SCLT1: variants seen among roughly 807,000 people sequenced by gnomAD.
The protein encoded by SCLT1 is sodium channel-associated protein 1.
A neutral mutation model predicts 112.8 loss-of-function variants in SCLT1; 78 were observed. The observed-to-expected ratio is 0.69, with a 90% CI of 0.58 to 0.83. The LOEUF is 0.83. Among genes scored for constraint, SCLT1 ranks in the 40% least tolerant of loss-of-function variants. The pLI is 0.00. For synonymous variants in SCLT1, 257 were observed against 254.7 expected (o/e 1.01, Z -0.09); for missense variants, 747 against 770.4 (o/e 0.97, Z 0.36).
At chr4:129,076,613 T>A (rs1387849085) in intron 2 of SCLT1, among the ~76,000 whole-genome samples, 2 of 151,894 alleles carry the variant, frequency 1.3e-5, no homozygotes, top group African/African-American at 4.8e-5. Flanking sequence ...CCTCAGTAGA[T>A]ACATATACCG....
At chr4:128,908,635 A>G (rs926441450) in intron 18 of SCLT1, among the ~76,000 whole-genome samples, 7 of 152,220 alleles carry the variant, frequency 4.6e-5, no homozygotes, top group Admixed American at 6.5e-5. Flanking sequence ...AATCTGGTTA[A>G]TAAAACCATA....
At chr4:128,948,961 G>A (rs1738448940) in intron 14 of SCLT1, among the ~76,000 whole-genome samples, 1 of 152,154 alleles carries the variant, frequency 6.6e-6, no homozygotes, top group Admixed American at 6.5e-5. Context: ...ATATGTGGGT[G>A]TATAAATTCT....
intron 2 of SCLT1, among the ~76,000 whole-genome samples, chr4:129,050,514 T>C (rs1330325012): frequency 6.6e-6 from 1 of 152,240 alleles, no homozygotes; most frequent in African/African-American, 2.4e-5. Context: ...TTCATGTTTG[T>C]TGGCAGCATA....
intron 4 of SCLT1, chr4:129,039,902 A>G (rs201001652): frequency 0.15 from 426 of 2,880 alleles, 5 homozygotes; most frequent in African/African-American, 0.28. Context: ...GCGCGCGCGC[A>G]CACACACACA....
At chr4:129,026,590 A>T (rs1746110843) in intron 5 of SCLT1, among the ~76,000 whole-genome samples, 1 of 152,162 alleles carries the variant, frequency 6.6e-6, no homozygotes, top group Non-Finnish European at 1.5e-5. Context: ...TGCCCACAAG[A>T]GAAAGCAGGA....
intron 5 of SCLT1, among the ~76,000 whole-genome samples, chr4:129,004,964 T>C (rs1368248720): frequency 6.6e-6 from 1 of 151,704 alleles, no homozygotes; most frequent in South Asian, 2.1e-4. Context: ...TTTTCCTATA[T>C]GAAATGTTTA....
intron 5 of SCLT1, among the ~76,000 whole-genome samples, chr4:129,008,560 T>C (rs1228834181): frequency 2.6e-5 from 4 of 152,352 alleles, no homozygotes; most frequent in South Asian, 4.1e-4. Flanking sequence ...TCAAATATTA[T>C]TTCTGTCTTT....
chr4:129,010,773 G>A (rs547497674), intron 5 of SCLT1, among the ~76,000 whole-genome samples: 2 of 152,192 alleles, frequency 1.3e-5, no homozygotes, highest in Admixed American at 1.3e-4. Flanking sequence ...CATTGATTTT[G>A]TATCCTGAGA....
At position 128,942,913 on chromosome 4, in the gene SCLT1, A is replaced by G. The variant is rs534752808; in HGVS notation, c.1632+83T>C. On this transcript the variant is annotated intron_variant, in intron 17 of 20. Transcript: ENST00000281142. The stretch of plus-strand genomic sequence containing the variant: ...AGAAGGCAAAAAAAAAGGGGGCCTT[A>G]AAGATGTTTTGCTAGGTCTCTCTAA... 2.6e-5 allele frequency: 26 copies of G among 994,624 alleles called. No individual in the cohort carries two copies. In the African/African-American group the frequency reaches 3.9e-4, roughly 15 times the overall value. The allele number at this position is 994,624 out of a possible 1,614,324, so 61.6% of individuals were successfully genotyped here.
intron 18 of SCLT1, among the ~76,000 whole-genome samples, chr4:128,917,548 A>G (rs1735569643): frequency 6.6e-6 from 1 of 152,150 alleles, no homozygotes; most frequent in Admixed American, 6.5e-5. Context: ...GACAATAATT[A>G]TTGGAAGCCA....
intron 5 of SCLT1, among the ~76,000 whole-genome samples, chr4:129,014,706 C>A (rs1360099445): frequency 6.6e-6 from 1 of 152,204 alleles, no homozygotes; most frequent in Non-Finnish European, 1.5e-5. Context: ...TGCTTCTGGA[C>A]CACTGGTCAC....
Position 129,011,999 on chromosome 4 carries a change from T to C in SCLT1, c.291-8123A>G, listed in dbSNP as rs193079105. ...AAAAACCAGCTTCTGTGTTCTTTGATCTTCTGGATGTTTTTTTGTGTCTGA... is the reference window on the plus strand; with the variant it reads ...AAAAACCAGCTTCTGTGTTCTTTGACCTTCTGGATGTTTTTTTGTGTCTGA... On this transcript the variant is annotated intron_variant, in intron 5 of 20. Transcript: ENST00000281142. 5.0e-3 allele frequency among the ~76,000 whole-genome samples: 762 copies of C among 152,064 alleles called. 6 individuals carry two copies. The highest frequency in any genetic ancestry group is 0.017 in the African/African-American group (716 of 41,346).
chr4:129,004,099 T>G lies in SCLT1; in HGVS notation c.291-223A>C, dbSNP rs1208597850. Reference sequence around the variant, plus strand: ...TTCAATGCATTAAATCGATCACAATTAACTGAAGCATGATTCAGTTTGTCC... The same window carrying G: ...TTCAATGCATTAAATCGATCACAATGAACTGAAGCATGATTCAGTTTGTCC... On this transcript the variant is annotated intron_variant, in intron 5 of 20. Coordinates refer to ENST00000281142, the MANE Select transcript of SCLT1 (RefSeq NM_144643.4). Among the ~76,000 whole-genome samples the G allele has an allele frequency of 2.0e-5, 3 of 152,150 alleles. No homozygotes were observed. In the East Asian group the frequency reaches 5.8e-4, roughly 29 times the overall value.
intron 18 of SCLT1, among the ~76,000 whole-genome samples, chr4:128,899,987 C>G (rs1202462421): frequency 1.3e-5 from 2 of 152,058 alleles, no homozygotes; most frequent in African/African-American, 2.4e-5. Flanking sequence ...AGGACCTCTT[C>G]AAGGAGAACT....
intron 13 of SCLT1, 34 bp downstream of exon 13, chr4:128,956,992 A>G (rs1298025618): frequency 8.2e-7 from 1 of 1,220,440 alleles, no homozygotes; most frequent in Non-Finnish European, 1.2e-6. Flanking sequence ...TGTGACTTAA[A>G]TTCTGAATTT....
At chr4:129,000,183 T>G (rs1488230943) in intron 6 of SCLT1, among the ~76,000 whole-genome samples, 1 of 151,940 alleles carries the variant, frequency 6.6e-6, no homozygotes, top group Non-Finnish European at 1.5e-5. Flanking sequence ...AAATTTTCAT[T>G]GTGGAAAATT....
intron 9 of SCLT1, among the ~76,000 whole-genome samples, chr4:128,983,543 A>G (rs1741850008): frequency 6.6e-6 from 1 of 152,222 alleles, no homozygotes; most frequent in Non-Finnish European, 1.5e-5. Flanking sequence ...TCTGAGAAAC[A>G]GAATGATCTA....
chr4:128,950,376 G>A (rs13139306), intron 14 of SCLT1, among the ~76,000 whole-genome samples: 7,816 of 152,022 alleles, frequency 0.051, 229 homozygotes, highest in African/African-American at 0.064. Context: ...GGTTAACCTG[G>A]GGGTAAAAAA....
intron 2 of SCLT1, among the ~76,000 whole-genome samples, chr4:129,055,615 C>T (rs1291891146): frequency 6.6e-6 from 1 of 151,982 alleles, no homozygotes; most frequent in Non-Finnish European, 1.5e-5. Flanking sequence ...TGGTGGATGC[C>T]CCTCCCCCAA....
Sources: gnomAD v4.1 joint callset for allele counts (sites outside exome capture counted in the v4.1 genomes callset) on GRCh38, gnomAD v4.1.1 for gene constraint, MANE v1.5 for transcripts, NCBI Gene and HGNC (gene_info 2026-07-23, HGNC 2026-07-21) for gene names.